ITGA6: variants seen among roughly 807,000 people sequenced by gnomAD.
ITGA6 encodes integrin subunit alpha 6, also known as integrin alpha-6.
A neutral mutation model predicts 133.6 loss-of-function variants in ITGA6; 63 were observed. That is an observed-to-expected ratio of 0.47 (90% CI 0.38 to 0.58). ITGA6 has a LOEUF of 0.58. Among genes scored for constraint, ITGA6 ranks in the 20% least tolerant of loss-of-function variants. The probability of loss-of-function intolerance (pLI) is 0.00; values close to 1 mark genes in which losing one functional copy is unlikely to be tolerated. For missense variants in ITGA6, 1,068 were observed against 1,309.4 expected (o/e 0.82, Z 2.85); for synonymous variants, 434 against 482.0 (o/e 0.90, Z 1.30).
intron 25 of ITGA6, among the ~76,000 whole-genome samples, chr2:172,502,792 T>C (rs1413584092): frequency 6.6e-6 from 1 of 152,244 alleles, no homozygotes; most frequent in Non-Finnish European, 1.5e-5. Flanking sequence ...CCTTTCACCA[T>C]TTACGTGGGC....
chr2:172,488,354 A>AT, intron 19 of ITGA6, 126 bp downstream of exon 19: 2 of 746,840 alleles, frequency 2.7e-6, no homozygotes, highest in South Asian at 3.1e-5. Flanking sequence ...TGAGTTAAAA[A>AT]TTAGTTTGCC....
In ITGA6 at chr2:172,462,962, AC is replaced by A. The variant is rs149552639; in HGVS notation, c.183-2575del. Among the ~76,000 whole-genome samples, 253 of 151,510 alleles carry A rather than the reference AC, an allele frequency of 1.7e-3. 7 individuals carry two copies. Among genetic ancestry groups the A allele is most frequent in the Admixed American group, 0.012 (184 of 15,194 alleles). On this transcript the variant is annotated intron_variant, in intron 1 of 25. Transcript: ENST00000684293. ...CATATGCTGTGTTCCTTACCTGGCC[AC>A]CTCCAGTCCCGCTGTCATCTCTTAG...
intron 1 of ITGA6, 58 bp downstream of exon 1, chr2:172,428,028 G>A: frequency 6.4e-7 from 1 of 1,554,424 alleles, no homozygotes; most frequent in South Asian, 1.2e-5. Flanking sequence ...GCGAGTTGAG[G>A]CGAGGGCGCG....
intron 1 of ITGA6, chr2:172,428,655 G>A (rs1683979368): frequency 6.6e-6 from 1 of 151,928 alleles, no homozygotes; most frequent in African/African-American, 2.4e-5. Flanking sequence ...AGCCCCCAAA[G>A]TACTCGGCCG....
In ITGA6 at chr2:172,463,984, A is replaced by G. The variant is rs186970242; in HGVS notation, c.183-1555A>G. On this transcript the variant is annotated intron_variant, in intron 1 of 25. Coordinates refer to ENST00000684293, the MANE Select transcript of ITGA6 (RefSeq NM_000210.4). ...TCAAGAAGGTTCAGGCACCAAGGAC[A>G]CTGCTCCAGTTCCTAATTTAAAAGT... is the stretch of plus-strand genomic sequence containing the variant. Among the ~76,000 whole-genome samples, 20 of 152,318 alleles carry G rather than the reference A, an allele frequency of 1.3e-4. No individual in the cohort carries two copies. In the East Asian group the frequency reaches 3.5e-3, roughly 26 times the overall value.
chr2:172,457,757 G>A (rs534478840), intron 1 of ITGA6, among the ~76,000 whole-genome samples: 10 of 151,686 alleles, frequency 6.6e-5, no homozygotes, highest in African/African-American at 2.4e-4. Flanking sequence ...CCTTCAAACT[G>A]GGGGGGAAGC....
At chr2:172,501,954 G>A (rs1286464106) in intron 25 of ITGA6, 53 bp downstream of exon 25, 5 of 1,539,882 alleles carry the variant, frequency 3.2e-6, no homozygotes, top group Middle Eastern at 3.4e-4. Context: ...TATGGTTGTG[G>A]TGGCTAACTT....
At chr2:172,497,840 C>T in intron 23 of ITGA6, 135 bp from the exon 24 acceptor site, 1 of 838,152 alleles carries the variant, frequency 1.2e-6, no homozygotes. Context: ...AAGGATCTTG[C>T]ATCAGAAAGT....
At chr2:172,472,659 C>CT in intron 5 of ITGA6, 3 of 675,518 alleles carry the variant, frequency 4.4e-6, no homozygotes, top group Non-Finnish European at 8.0e-6. Flanking sequence ...ATGAGAGCAG[C>CT]TTGCCGGATG....
rs534964052 is a variant in ITGA6 at position 172,442,145 on chromosome 2, A to T, written c.182+14175A>T. 2.0e-5 allele frequency among the ~76,000 whole-genome samples: 3 copies of T among 152,226 alleles called. No homozygotes were observed. In the South Asian group the frequency reaches 6.2e-4, roughly 32 times the overall value. ...CATGTTTCTCACCAACCCCTGCGTC[A>T]TGTTTCTGAATAAGGAGTCCTGGTT... is the stretch of plus-strand genomic sequence containing the variant. On this transcript the variant is annotated intron_variant, in intron 1 of 25. Coordinates refer to ENST00000684293, the MANE Select transcript of ITGA6 (RefSeq NM_000210.4).
chr2:172,479,638 C>T lies in ITGA6; in HGVS notation c.1389-3C>T, dbSNP rs559655452. On this transcript the variant is annotated splice_polypyrimidine_tract_variant and splice_region_variant and intron_variant, in intron 9 of 25. Transcript: ENST00000684293. ...GCTTGTTTTTCACTCCTTTTGTCTT[C>T]AGATCCCGGCCTGTGATTAATATTC... The T allele has an allele frequency of 3.7e-6, 6 of 1,613,336 alleles. No individual in the cohort carries two copies. In the South Asian group the frequency reaches 6.6e-5, roughly 18 times the overall value.
chr2:172,482,185 G>A (rs184260584), intron 11 of ITGA6, among the ~76,000 whole-genome samples: 1 of 152,308 alleles, frequency 6.6e-6, no homozygotes, highest in Admixed American at 6.5e-5. Context: ...TTACTTTTAT[G>A]TTATGTAGCT....
intron 19 of ITGA6, 140 bp from the exon 20 acceptor site, chr2:172,489,345 T>C (rs1686823531): frequency 1.4e-6 from 1 of 697,102 alleles, no homozygotes; most frequent in Non-Finnish European, 2.5e-6. Flanking sequence ...ATGCCCTATC[T>C]ATAGTCCATT....
chr2:172,495,892 GCA>G (rs3037758), intron 23 of ITGA6, among the ~76,000 whole-genome samples: 22,959 of 152,126 alleles, frequency 0.15, 2,011 homozygotes, highest in African/African-American at 0.24. Context: ...AGACACTTGT[GCA>G]CAGTGTCATT....
intron 1 of ITGA6, among the ~76,000 whole-genome samples, chr2:172,436,002 T>C (rs990807779): frequency 1.3e-5 from 2 of 152,136 alleles, no homozygotes; most frequent in African/African-American, 2.4e-5. Context: ...GACATAATTT[T>C]AGGAAAGGGA....
intron 24 of ITGA6, among the ~76,000 whole-genome samples, chr2:172,500,457 C>T (rs948343720): frequency 1.2e-4 from 19 of 152,212 alleles, no homozygotes; most frequent in African/African-American, 3.9e-4. Flanking sequence ...GGTGAAACCC[C>T]GCGTCTACTA....
At chr2:172,486,455 T>A (rs747229727) in intron 13 of ITGA6, among the ~76,000 whole-genome samples, 1 of 152,206 alleles carries the variant, frequency 6.6e-6, no homozygotes, top group Non-Finnish European at 1.5e-5. Context: ...ATCGGTGTGA[T>A]TATCAAGAAC....
intron 1 of ITGA6, among the ~76,000 whole-genome samples, chr2:172,449,310 A>G (rs1271618398): frequency 1.3e-5 from 2 of 152,224 alleles, no homozygotes; most frequent in Non-Finnish European, 2.9e-5. Flanking sequence ...GTAATTATAG[A>G]ATGTCCTACA....
In ITGA6 at chr2:172,495,279, T is replaced by C. The variant is rs1687082129; in HGVS notation, c.2989-2696T>C. 2 of 152,242 alleles carry C rather than the reference T, an allele frequency of 1.3e-5. 1 individual carries two copies. The highest frequency in any genetic ancestry group is 4.1e-4 in the South Asian group (2 of 4,834). The allele number at this position is 152,242 out of a possible 1,614,324, so 9.4% of individuals were successfully genotyped here. On this transcript the variant is annotated intron_variant, in intron 23 of 25. Coordinates refer to ENST00000684293, the MANE Select transcript of ITGA6 (RefSeq NM_000210.4). ...GCACATGGTGGATGAGTTTCACAGG[T>C]GTGCGTCATCCCCATGGAAATAACT... is the stretch of plus-strand genomic sequence containing the variant.
Sources: gnomAD v4.1 joint callset for allele counts (sites outside exome capture counted in the v4.1 genomes callset) on GRCh38, gnomAD v4.1.1 for gene constraint, MANE v1.5 for transcripts, NCBI Gene and HGNC (gene_info 2026-07-23, HGNC 2026-07-21) for gene names.